Variants in CAPN2 observed in about 807,000 individuals in gnomAD.
CAPN2 encodes calpain 2.
In CAPN2, 92 loss-of-function variants were observed where a neutral mutation model predicts 102.3. The observed-to-expected ratio is 0.90, with a 90% CI of 0.76 to 1.07. The LOEUF (loss-of-function observed/expected upper bound fraction) is 1.07, where lower values mean the gene tolerates loss of function less well. CAPN2 is among the 50% of genes least tolerant of loss of function. The probability of loss-of-function intolerance (pLI) is 0.00; values close to 1 mark genes in which losing one functional copy is unlikely to be tolerated. For synonymous variants in CAPN2, 340 were observed against 355.4 expected (o/e 0.96, Z 0.49); for missense variants, 800 against 909.4 (o/e 0.88, Z 1.55).
chr1:223,714,261 G>A (rs1407256263), intron 1 of CAPN2, among the ~76,000 whole-genome samples: 2 of 152,084 alleles, frequency 1.3e-5, no homozygotes, highest in East Asian at 3.9e-4. Flanking sequence ...TTATTTACCA[G>A]TATATCCCCA....
At chr1:223,719,929 A>T (rs942740449) in intron 2 of CAPN2, among the ~76,000 whole-genome samples, 1 of 152,170 alleles carries the variant, frequency 6.6e-6, no homozygotes, top group Admixed American at 6.5e-5. Context: ...AATGTGGTAT[A>T]CTGTACTCTC....
chr1:223,773,586 C>T (rs1020999344), intron 20 of CAPN2, among the ~76,000 whole-genome samples: 4 of 152,006 alleles, frequency 2.6e-5, no homozygotes, highest in African/African-American at 7.3e-5. Context: ...CCCAGCTACT[C>T]GGGAGGCTGA....
chr1:223,740,915 T>G (rs536847338), intron 2 of CAPN2, among the ~76,000 whole-genome samples: 1 of 152,320 alleles, frequency 6.6e-6, no homozygotes, highest in African/African-American at 2.4e-5. Flanking sequence ...GGAGACTGTT[T>G]TGGTTATACA....
chr1:223,731,959 T>TTG lies in CAPN2; in HGVS notation c.308-12140_308-12139dup, dbSNP rs1417335698. On this transcript the variant is annotated intron_variant, in intron 2 of 20. Coordinates refer to ENST00000295006, the MANE Select transcript of CAPN2 (RefSeq NM_001748.5). This position sits in a 1 kb window ranked among gnomAD's most constrained non-coding sequence, Gnocchi z 4.2. Reference sequence around the variant, plus strand: ...TCAGTTGCAAAGAAAGAACACTCAGTTGGAAAAAAAGGCAAGAGGGTTTTA... The same window carrying TTG: ...TCAGTTGCAAAGAAAGAACACTCAGTTGTGGAAAAAAAGGCAAGAGGGTTTTA... 6.6e-6 allele frequency among the ~76,000 whole-genome samples: 1 copy of TTG among 151,938 alleles called. No homozygotes were observed. Among genetic ancestry groups the TTG allele is most frequent in the African/African-American group, 2.4e-5 (1 of 41,364 alleles).
intron 4 of CAPN2, among the ~76,000 whole-genome samples, chr1:223,746,049 C>T (rs1660742521): frequency 6.6e-6 from 1 of 152,206 alleles, no homozygotes; most frequent in Non-Finnish European, 1.5e-5. Flanking sequence ...TAAGAAGCCC[C>T]ACACCAGCCC....
intron 1 of CAPN2, among the ~76,000 whole-genome samples, chr1:223,704,533 T>G (rs545085152): frequency 5.3e-4 from 80 of 152,216 alleles, no homozygotes; most frequent in African/African-American, 1.9e-3. Flanking sequence ...GAAATTGAGG[T>G]CTAGGAAGAC....
intron 1 of CAPN2, among the ~76,000 whole-genome samples, chr1:223,715,535 C>G (rs1018306871): frequency 6.6e-6 from 1 of 152,138 alleles, no homozygotes; most frequent in Non-Finnish European, 1.5e-5. Flanking sequence ...GCAGGAGGAG[C>G]TGCTCTTCCT....
intron 1 of CAPN2, among the ~76,000 whole-genome samples, chr1:223,716,882 G>A (rs890436204): frequency 9.2e-5 from 14 of 152,068 alleles, no homozygotes; most frequent in African/African-American, 3.4e-4. Flanking sequence ...TGAACGCTTG[G>A]TACTAAATCA....
intron 1 of CAPN2, among the ~76,000 whole-genome samples, chr1:223,715,199 T>C (rs1425390017): frequency 1.3e-5 from 2 of 151,988 alleles, no homozygotes; most frequent in South Asian, 2.1e-4. Flanking sequence ...AAGTCATTGG[T>C]GAGTTTAGCA....
At position 223,754,270 on chromosome 1, in the gene CAPN2, C is replaced by T. The variant is rs1340680082; in HGVS notation, c.1136-1210C>T. Among the ~76,000 whole-genome samples the T allele has an allele frequency of 3.9e-5, 6 of 152,196 alleles. No homozygotes were observed. The highest frequency in any genetic ancestry group is 1.4e-4 in the African/African-American group (6 of 41,442). The stretch of plus-strand genomic sequence containing the variant: ...CTAGCTGGCCTACAGTTCTGGGGCT[C>T]GGACTCCTTCACCTCAAGTATGCAG... On this transcript the variant is annotated intron_variant, in intron 9 of 20. Coordinates refer to ENST00000295006, the MANE Select transcript of CAPN2 (RefSeq NM_001748.5). This position sits in a 1 kb window ranked among gnomAD's most constrained non-coding sequence, Gnocchi z 4.7.
intron 1 of CAPN2, among the ~76,000 whole-genome samples, chr1:223,706,093 C>T (rs576478718): frequency 2.0e-5 from 3 of 152,304 alleles, no homozygotes; most frequent in Admixed American, 2.0e-4. Flanking sequence ...GCTCTTGCCT[C>T]CTGGCAAGGG....
At position 223,772,206 on chromosome 1, in the gene CAPN2, G is replaced by A. The variant is rs1277119909; in HGVS notation, c.2046G>A (p.Glu682=). Residue 682 remains glutamate, a synonymous_variant, in exon 20 of 21, where the codon GAG becomes GAA. Transcript: ENST00000295006. ...LFKIFKQLDP[E]NTGTIELDLI... ...AGATATTTAAGCAGCTGGATCCCGAGAATACTGGAACAATAGAGCTCGACC... is the reference window on the plus strand; with the variant it reads ...AGATATTTAAGCAGCTGGATCCCGAAAATACTGGAACAATAGAGCTCGACC... 3.7e-6 allele frequency: 6 copies of A among 1,614,140 alleles called. No individual in the cohort carries two copies. Among genetic ancestry groups the A allele is most frequent in the Non-Finnish European group, 4.2e-6 (5 of 1,180,016 alleles).
Position 223,725,776 on chromosome 1 carries a change from G to A in CAPN2, c.307+7945G>A, listed in dbSNP as rs1184963965. 2.6e-5 allele frequency among the ~76,000 whole-genome samples: 4 copies of A among 152,144 alleles called. No individual in the cohort carries two copies. Among genetic ancestry groups the A allele is most frequent in the Non-Finnish European group, 5.9e-5 (4 of 68,018 alleles). On this transcript the variant is annotated intron_variant, in intron 2 of 20. Transcript: ENST00000295006. This position sits in a 1 kb window ranked among gnomAD's most constrained non-coding sequence, Gnocchi z 4.1. ...TGATGTTTCCCACAAAGGGCCAGAG[G>A]CCCTTCAGTGCCAAGGAACGTGGAC...
At position 223,737,706 on chromosome 1, in the gene CAPN2, G is replaced by T. The variant is rs1413262716; in HGVS notation, c.308-6394G>T. ...TTAAGGCCTGACCAAAAGAGACGGG[G>T]CGGGGGGTGGGGGGGAGAGAATACA... On this transcript the variant is annotated intron_variant, in intron 2 of 20. Transcript: ENST00000295006. 5.8e-4 allele frequency among the ~76,000 whole-genome samples: 15 copies of T among 25,878 alleles called. 1 individual carries two copies. The highest frequency in any genetic ancestry group is 1.1e-3 in the African/African-American group (13 of 12,362). The allele number at this position is 25,878 out of a possible 152,430, so 17.0% of individuals were successfully genotyped here. A position where few individuals can be genotyped will look rare whatever the true frequency, so the allele number is the denominator to read the frequency against.
intron 3 of CAPN2, 51 bp downstream of exon 3, chr1:223,744,269 G>T: frequency 8.5e-7 from 1 of 1,180,736 alleles, no homozygotes; most frequent in South Asian, 1.2e-5. Context: ...AGGGGGCTAG[G>T]AACAGTCTTC....
upstream of CAPN2, among the ~76,000 whole-genome samples, chr1:223,711,114 C>A (rs1460494103): frequency 6.6e-6 from 1 of 152,144 alleles, no homozygotes; most frequent in Non-Finnish European, 1.5e-5. Context: ...TTAGTAAAGG[C>A]CAGTAGCACC....
chr1:223,702,585 A>G (rs1017737365), intron 1 of CAPN2, among the ~76,000 whole-genome samples: 2 of 152,202 alleles, frequency 1.3e-5, no homozygotes, highest in Admixed American at 6.5e-5. Flanking sequence ...AAAAATTACT[A>G]TCTCTAAGTC....
At chr1:223,702,000 C>CAAA (rs1352066565) in intron 1 of CAPN2, among the ~76,000 whole-genome samples, 2 of 38,554 alleles carry the variant, frequency 5.2e-5, no homozygotes, top group African/African-American at 2.0e-4. Context: ...GACTCCGTCT[C>CAAA]AAAAAAAAAA....
chr1:223,746,200 A>G (rs1420774108), intron 4 of CAPN2, among the ~76,000 whole-genome samples: 1 of 152,182 alleles, frequency 6.6e-6, no homozygotes, highest in African/African-American at 2.4e-5. Context: ...CTGGAGCCTG[A>G]CGGATGCTTC....
Sources: gnomAD v4.1 joint callset for allele counts (sites outside exome capture counted in the v4.1 genomes callset) on GRCh38, gnomAD v4.1.1 for gene constraint, Gnocchi (gnomAD v3.1) non-coding constraint, MANE v1.5 for transcripts, NCBI Gene and HGNC (gene_info 2026-07-23, HGNC 2026-07-21) for gene names.